NKAIN2: variants seen among roughly 807,000 people sequenced by gnomAD.
NKAIN2 encodes the protein sodium/potassium transporting ATPase interacting 2, also known as sodium/potassium-transporting ATPase subunit beta-1-interacting protein 2.
NKAIN2 carries 14 observed loss-of-function variants against 32.6 expected under a neutral mutation model. The ratio of observed to expected loss-of-function variants is 0.43; its 90% CI spans 0.28 to 0.67. The LOEUF (loss-of-function observed/expected upper bound fraction) is 0.67, where lower values mean the gene tolerates loss of function less well. Among genes scored for constraint, NKAIN2 ranks in the 30% least tolerant of loss-of-function variants. The pLI is 0.17. For synonymous variants in NKAIN2, 80 were observed against 87.2 expected, an observed-to-expected ratio of 0.92 and a Z score of 0.46; for missense variants, 198 against 258.3, an observed-to-expected ratio of 0.77 and a Z score of 1.60.
At chr6:124,260,038 G>A (rs558265323) in intron 1 of NKAIN2, among the ~76,000 whole-genome samples, 2 of 152,256 alleles carry the variant, frequency 1.3e-5, no homozygotes, top group South Asian at 2.1e-4. Context: ...TACACAGCTA[G>A]TTAGAATTAG....
intron 3 of NKAIN2, among the ~76,000 whole-genome samples, chr6:124,521,589 CTA>C (rs1317856003): frequency 6.6e-6 from 1 of 152,094 alleles, no homozygotes; most frequent in Non-Finnish European, 1.5e-5. Flanking sequence ...TTAGAATTTT[CTA>C]TGTTTTATGC....
intron 1 of NKAIN2, among the ~76,000 whole-genome samples, chr6:123,974,740 C>T (rs1206916290): frequency 6.6e-6 from 1 of 152,110 alleles, no homozygotes; most frequent in African/African-American, 2.4e-5. Flanking sequence ...TCAACGGGGA[C>T]CCTCAAAAGG....
chr6:124,617,355 T>C (rs1782946550), intron 3 of NKAIN2, among the ~76,000 whole-genome samples: 1 of 152,192 alleles, frequency 6.6e-6, no homozygotes, highest in Non-Finnish European at 1.5e-5. Context: ...AATCACACTG[T>C]TCTCTAAAAC....
At chr6:124,803,157 C>A (rs1316070838) in intron 5 of NKAIN2, among the ~76,000 whole-genome samples, 2 of 152,324 alleles carry the variant, frequency 1.3e-5, no homozygotes, top group Admixed American at 6.5e-5. Context: ...TGTTCCACAC[C>A]TTTCCAGGAT....
intron 1 of NKAIN2, among the ~76,000 whole-genome samples, chr6:123,811,369 C>G (rs1370370608): frequency 1.2e-5 from 1 of 80,836 alleles, no homozygotes; most frequent in Non-Finnish European, 2.0e-5. Context: ...ACCTGCCTCT[C>G]TTTACTAGCC....
intron 1 of NKAIN2, among the ~76,000 whole-genome samples, chr6:123,982,148 G>A (rs955403869): frequency 2.0e-5 from 3 of 151,848 alleles, no homozygotes; most frequent in Non-Finnish European, 4.4e-5. Context: ...TGTTGTTGTT[G>A]ACTCTGATCT....
intron 1 of NKAIN2, among the ~76,000 whole-genome samples, chr6:124,005,569 A>G (rs1328430274): frequency 3.3e-5 from 5 of 152,080 alleles, no homozygotes; most frequent in South Asian, 2.1e-4. Flanking sequence ...TGCCCTTTTT[A>G]TGTATTATTT....
At chr6:123,866,545 C>T (rs1026355451) in intron 1 of NKAIN2, among the ~76,000 whole-genome samples, 11 of 152,172 alleles carry the variant, frequency 7.2e-5, no homozygotes, top group African/African-American at 2.7e-4. Context: ...ATTCTACTGC[C>T]TCAGCCTCCC....
At position 123,977,139 on chromosome 6, in the gene NKAIN2, A is replaced by G. The variant is rs118024316; in HGVS notation, c.54+172885A>G. On this transcript the variant is annotated intron_variant, in intron 1 of 6. Coordinates refer to ENST00000368417, the MANE Select transcript of NKAIN2 (RefSeq NM_001040214.3). ...AGGCATGTGTGACCACACCCAGATA[A>G]TTTTCTTTTAATTTTTTGTAGAGAC... Among the ~76,000 whole-genome samples the G allele has an allele frequency of 1.2e-3, 180 of 152,240 alleles. 1 individual carries two copies. The East Asian group carries it at 0.033, about 28-fold the overall frequency.
At position 124,807,666 on chromosome 6, in the gene NKAIN2, A is replaced by G. The variant is rs1449302118; in HGVS notation, c.536-10721A>G. Among the ~76,000 whole-genome samples the G allele has an allele frequency of 1.4e-4, 21 of 150,576 alleles. No individual in the cohort carries two copies. The East Asian group carries it at 4.1e-3, about 30-fold the overall frequency. The stretch of plus-strand genomic sequence containing the variant: ...GAGCAGAACTGAAGGAAATAGAGAC[A>G]CAAAAAACCCTTCAAAAAATTAATG... On this transcript the variant is annotated intron_variant, in intron 5 of 6. Coordinates refer to ENST00000368417, the MANE Select transcript of NKAIN2 (RefSeq NM_001040214.3).
chr6:124,620,815 A>G (rs479680), intron 3 of NKAIN2, among the ~76,000 whole-genome samples: 24,846 of 152,180 alleles, frequency 0.16, 2,109 homozygotes, highest in Middle Eastern at 0.23. Flanking sequence ...TACCCAAGCT[A>G]AAAAGATATT....
At chr6:123,917,887 C>T (rs928379801) in intron 1 of NKAIN2, among the ~76,000 whole-genome samples, 2 of 151,998 alleles carry the variant, frequency 1.3e-5, no homozygotes, top group African/African-American at 2.4e-5. Flanking sequence ...TTTGTGGAGC[C>T]GCTGGACCAG....
chr6:124,458,836 A>G (rs1041461854), intron 3 of NKAIN2, among the ~76,000 whole-genome samples: 1 of 151,746 alleles, frequency 6.6e-6, no homozygotes, highest in Admixed American at 6.6e-5. Flanking sequence ...GCCTACTAGG[A>G]GCGTGTTTTG....
At chr6:124,562,831 G>A (rs1008524089) in intron 3 of NKAIN2, among the ~76,000 whole-genome samples, 1 of 151,806 alleles carries the variant, frequency 6.6e-6, no homozygotes, top group Non-Finnish European at 1.5e-5. Flanking sequence ...ATGCCATATA[G>A]CTTCGGAAAA....
At chr6:124,153,937 T>TTA (rs1413195150) in intron 1 of NKAIN2, among the ~76,000 whole-genome samples, 1 of 151,172 alleles carries the variant, frequency 6.6e-6, no homozygotes, top group Non-Finnish European at 1.5e-5. Context: ...TCTATTCCTT[T>TTA]TTTTTTTGTA....
chr6:123,865,193 T>G (rs1213979354), intron 1 of NKAIN2, among the ~76,000 whole-genome samples: 1 of 152,146 alleles, frequency 6.6e-6, no homozygotes, highest in Non-Finnish European at 1.5e-5. Context: ...ATAAAAAGCC[T>G]ATTGTATTAT....
intron 1 of NKAIN2, among the ~76,000 whole-genome samples, chr6:123,832,835 T>G (rs1157183366): frequency 6.6e-6 from 1 of 152,238 alleles, no homozygotes; most frequent in Non-Finnish European, 1.5e-5. Context: ...GTTTTCATAT[T>G]GTTCACTTTT....
chr6:123,825,890 C>T (rs532662083), intron 1 of NKAIN2, among the ~76,000 whole-genome samples: 2 of 152,236 alleles, frequency 1.3e-5, no homozygotes, highest in African/African-American at 4.8e-5. Context: ...AAAATGGTAA[C>T]TCAAATCAGT....
chr6:124,013,656 C>T (rs1383893737), intron 1 of NKAIN2, among the ~76,000 whole-genome samples: 1 of 152,124 alleles, frequency 6.6e-6, no homozygotes, highest in African/African-American at 2.4e-5. Flanking sequence ...GCATATGTTA[C>T]CCTTTATGGC....
Sources: allele counts gnomAD v4.1 joint callset (sites outside exome capture counted in the v4.1 genomes callset), GRCh38; gene constraint gnomAD v4.1.1; transcripts MANE v1.5; gene names NCBI Gene and HGNC (gene_info 2026-07-23, HGNC 2026-07-21).